The following RASGEF1C variants were observed in gnomAD, a reference collection of about 807,000 sequenced individuals.
RASGEF1C encodes the protein RasGEF domain family member 1C.
In RASGEF1C, 27 loss-of-function variants were observed where a neutral mutation model predicts 58.1. That is an observed-to-expected ratio of 0.46 (90% CI 0.34 to 0.64). RASGEF1C has a LOEUF of 0.64. RASGEF1C is among the 30% of genes least tolerant of loss of function. RASGEF1C has a pLI of 0.01. For missense variants in RASGEF1C, 502 were observed against 605.1 expected (o/e 0.83, Z 1.79); for synonymous variants, 243 against 246.3 (o/e 0.99, Z 0.13).
chr5:180,162,794 C>G (rs1766962103), intron 1 of RASGEF1C, among the ~76,000 whole-genome samples: 1 of 152,178 alleles, frequency 6.6e-6, no homozygotes, highest in Admixed American at 6.5e-5. Context: ...AACTGCATTA[C>G]ATATGTAGAT....
At chr5:180,119,221 C>T (rs966178855) in intron 8 of RASGEF1C, 125 bp downstream of exon 8, 20 of 830,602 alleles carry the variant, frequency 2.4e-5, no homozygotes, top group South Asian at 6.1e-5. Flanking sequence ...TCAGAGAGCC[C>T]GGCCCACGCC....
At chr5:180,192,880 G>A (rs1184568234) in intron 1 of RASGEF1C, among the ~76,000 whole-genome samples, 1 of 150,700 alleles carries the variant, frequency 6.6e-6, no homozygotes, top group Non-Finnish European at 1.5e-5. Context: ...GAGTAGCTGG[G>A]ACTACAGGTG....
At chr5:180,194,272 C>T (rs1243943531) in intron 1 of RASGEF1C, among the ~76,000 whole-genome samples, 1 of 152,232 alleles carries the variant, frequency 6.6e-6, no homozygotes, top group East Asian at 1.9e-4. Flanking sequence ...CATCTGTCAA[C>T]GGCTCTGCTC....
At position 180,178,997 on chromosome 5, in the gene RASGEF1C, C is replaced by T. The variant is rs905456116; in HGVS notation, c.-7+30031G>A. 2.0e-5 allele frequency among the ~76,000 whole-genome samples: 3 copies of T among 151,890 alleles called. No homozygotes were observed. In the East Asian group the frequency reaches 5.8e-4, roughly 30 times the overall value. On this transcript the variant is annotated intron_variant, in intron 1 of 13. Coordinates refer to ENST00000361132, the MANE Select transcript of RASGEF1C (RefSeq NM_175062.4). Reference sequence around the variant, plus strand: ...GCTGAAGCAGGATGAGGGAGGCCCCCGGCCATGGGGCCTGGGGCCGGGAGG... The same window carrying T: ...GCTGAAGCAGGATGAGGGAGGCCCCTGGCCATGGGGCCTGGGGCCGGGAGG...
chr5:180,158,941 T>A lies in RASGEF1C; in HGVS notation c.-6-20883A>T, dbSNP rs1003412995. The stretch of plus-strand genomic sequence containing the variant: ...AAATATTTTCTCTCCTACTTTCCAT[T>A]ACAAAATCTTCGTGCTCTACTTTCT... On this transcript the variant is annotated intron_variant, in intron 1 of 13. Coordinates refer to ENST00000361132, the MANE Select transcript of RASGEF1C (RefSeq NM_175062.4). The surrounding 1 kb of genome is among the most constrained non-coding windows in gnomAD (Gnocchi z 4.0). Among the ~76,000 whole-genome samples the A allele has an allele frequency of 1.2e-4, 19 of 152,152 alleles. No individual in the cohort carries two copies. The highest frequency in any genetic ancestry group is 1.3e-4 in the Admixed American group (2 of 15,278).
chr5:180,126,117 A>C (rs576762576), intron 6 of RASGEF1C, among the ~76,000 whole-genome samples: 1 of 152,308 alleles, frequency 6.6e-6, no homozygotes, highest in African/African-American at 2.4e-5. Flanking sequence ...AAAATCTTAC[A>C]AGAATCTCGG....
intron 1 of RASGEF1C, among the ~76,000 whole-genome samples, chr5:180,191,572 G>A (rs1756164354): frequency 1.3e-5 from 2 of 152,022 alleles, no homozygotes; most frequent in South Asian, 2.1e-4. Context: ...TAGCCAGGAT[G>A]GTCTCCATCT....
In RASGEF1C at chr5:180,111,505, C is replaced by A; in HGVS notation, c.1255G>T (p.Ala419Ser). Residue 419 changes from alanine (A) to serine (S), a missense_variant, in exon 12 of 14, where the codon GCC (alanine) becomes TCC (serine). Coordinates refer to ENST00000361132, the MANE Select transcript of RASGEF1C (RefSeq NM_175062.4). ...KQVECPFEQDASITHYLYTAP... is the reference protein window; with the variant it reads ...KQVECPFEQDSSITHYLYTAP... ...GTGTACAGGTAGTGGGTGATGCTGG[C>A]GTCTTGCTCGAAGGGACACTCCACT... is the stretch of plus-strand genomic sequence containing the variant. The A allele has an allele frequency of 6.2e-7, 1 of 1,614,202 alleles. No homozygotes were observed.
Position 180,137,574 on chromosome 5 carries a change from C to G in RASGEF1C, c.300+16G>C. Reference sequence around the variant, plus strand: ...CTGGTACACTCTGAGACCCCCTGGCCTGCCCTCCGCCTCACCTTGTCCAGC... The same window carrying G: ...CTGGTACACTCTGAGACCCCCTGGCGTGCCCTCCGCCTCACCTTGTCCAGC... On this transcript the variant is annotated intron_variant, in intron 3 of 13. Transcript: ENST00000361132. This position sits in a 1 kb window ranked among gnomAD's most constrained non-coding sequence, Gnocchi z 4.1. 6.2e-7 allele frequency: 1 copy of G among 1,606,300 alleles called. No homozygotes were observed. Among genetic ancestry groups the G allele is most frequent in the Non-Finnish European group, 8.5e-7 (1 of 1,177,710 alleles).
intron 12 of RASGEF1C, 79 bp from the exon 13 acceptor site, chr5:180,102,222 G>C: frequency 1.2e-6 from 1 of 838,064 alleles, no homozygotes; most frequent in South Asian, 1.5e-5. Context: ...ATCTGCGTGG[G>C]TCTCTTTCTG....
At chr5:180,140,332 C>G (rs1039671492) in intron 1 of RASGEF1C, among the ~76,000 whole-genome samples, 1 of 152,186 alleles carries the variant, frequency 6.6e-6, no homozygotes, top group Non-Finnish European at 1.5e-5. Flanking sequence ...TGTGCCGCAG[C>G]CTTCAGTTTT....
chr5:180,127,368 C>T (rs967198921), intron 6 of RASGEF1C, among the ~76,000 whole-genome samples: 2 of 152,256 alleles, frequency 1.3e-5, no homozygotes, highest in African/African-American at 4.8e-5. Context: ...ACTCCTCCTC[C>T]CTCGCTGGGT....
At chr5:180,180,924 G>T (rs563283468) in intron 1 of RASGEF1C, among the ~76,000 whole-genome samples, 1 of 152,256 alleles carries the variant, frequency 6.6e-6, no homozygotes, top group Admixed American at 6.5e-5. Flanking sequence ...ACACCAAGAG[G>T]GATCGCCGCA....
intron 1 of RASGEF1C, among the ~76,000 whole-genome samples, chr5:180,186,692 G>A (rs1352846147): frequency 5.9e-5 from 9 of 152,220 alleles, no homozygotes; most frequent in East Asian, 5.8e-4. Context: ...CTGGCCGGGC[G>A]CAGTGGCTCA....
chr5:180,118,506 T>A (rs1290922174), intron 10 of RASGEF1C, 103 bp downstream of exon 10: 10 of 1,092,630 alleles, frequency 9.2e-6, no homozygotes, highest in Non-Finnish European at 1.2e-5. Context: ...CCTGGCTGTC[T>A]ATTACTGATG....
chr5:180,113,325 G>C (rs1218992669), intron 11 of RASGEF1C, among the ~76,000 whole-genome samples: 15 of 49,156 alleles, frequency 3.1e-4, no homozygotes, highest in African/African-American at 5.0e-4. Context: ...CGGAGGGACC[G>C]GGGATGGACG....
intron 1 of RASGEF1C, among the ~76,000 whole-genome samples, chr5:180,195,589 T>C (rs1756255401): frequency 6.6e-6 from 1 of 151,038 alleles, no homozygotes; most frequent in Non-Finnish European, 1.5e-5. Flanking sequence ...TGAAACCCCG[T>C]CTCTACTAAA....
chr5:180,138,262 A>G, intron 1 of RASGEF1C: 1 of 433,380 alleles, frequency 2.3e-6, no homozygotes, highest in Admixed American at 4.1e-5. Flanking sequence ...CCGTCTTCTC[A>G]TGGCCTCTCA....
At chr5:180,124,562 C>T (rs1413362314) in intron 6 of RASGEF1C, among the ~76,000 whole-genome samples, 9 of 152,140 alleles carry the variant, frequency 5.9e-5, no homozygotes, top group African/African-American at 9.7e-5. Context: ...CAGTGGCTCA[C>T]GCCTGTAATC....
Sources: allele counts gnomAD v4.1 joint callset (sites outside exome capture counted in the v4.1 genomes callset), GRCh38; gene constraint gnomAD v4.1.1; non-coding constraint Gnocchi (gnomAD v3.1); transcripts MANE v1.5; gene names NCBI Gene and HGNC (gene_info 2026-07-23, HGNC 2026-07-21).